OPN5: variants seen among roughly 807,000 people sequenced by gnomAD.
The protein encoded by OPN5 is opsin-5.
A neutral mutation model predicts 41.7 loss-of-function variants in OPN5; 18 were observed. The ratio of observed to expected loss-of-function variants is 0.43; its 90% CI spans 0.30 to 0.64. OPN5 has a LOEUF of 0.64. OPN5 is among the 30% of genes least tolerant of loss of function. OPN5 has a pLI of 0.13. For synonymous variants in OPN5, 178 were observed against 164.3 expected, an observed-to-expected ratio of 1.08 and a Z score of -0.64; for missense variants, 318 against 434.5, an observed-to-expected ratio of 0.73 and a Z score of 2.38.
At chr6:47,819,353 A>ATATATATATATAT (rs1491208722) in intron 6 of OPN5, among the ~76,000 whole-genome samples, 2 of 84,864 alleles carry the variant, frequency 2.4e-5, no homozygotes, top group Non-Finnish European at 4.9e-5. Flanking sequence ...ATATATATAT[A>ATATATATATATAT]AAAAATATAT....
intron 4 of OPN5, among the ~76,000 whole-genome samples, chr6:47,802,265 T>G (rs1773806042): frequency 6.6e-6 from 1 of 152,176 alleles, no homozygotes; most frequent in Non-Finnish European, 1.5e-5. Context: ...CAGGAGTTTC[T>G]GCATCAGAAC....
chr6:47,804,915 C>T (rs184958573), intron 4 of OPN5, among the ~76,000 whole-genome samples: 27 of 152,220 alleles, frequency 1.8e-4, no homozygotes, highest in Admixed American at 1.4e-3. Flanking sequence ...GTAGAAAACA[C>T]GTAAAATGTA....
At chr6:47,806,436 G>C (rs1377372454) in intron 4 of OPN5, among the ~76,000 whole-genome samples, 2 of 152,136 alleles carry the variant, frequency 1.3e-5, no homozygotes, top group South Asian at 2.1e-4. Context: ...AGCATGCTAA[G>C]AGTAGAAATT....
chr6:47,794,477 T>G (rs1172777414), intron 3 of OPN5, among the ~76,000 whole-genome samples: 5 of 152,232 alleles, frequency 3.3e-5, no homozygotes, highest in Admixed American at 2.0e-4. Flanking sequence ...ACAGCTTTTC[T>G]TAGATGACTG....
chr6:47,826,075 C>G (rs1395388588), downstream of OPN5: 1 of 151,948 alleles, frequency 6.6e-6, no homozygotes, highest in Non-Finnish European at 1.5e-5. Context: ...TGTTTAATAT[C>G]TTTTAAAAAA....
intron 2 of OPN5, among the ~76,000 whole-genome samples, chr6:47,788,824 T>C (rs1229157630): frequency 7.4e-6 from 1 of 134,460 alleles, no homozygotes; most frequent in Non-Finnish European, 1.6e-5. Flanking sequence ...GCGGTGGTGG[T>C]GTTAAAAATA....
chr6:47,791,864 G>A (rs941881001), exon 3 of OPN5: 3 of 1,613,816 alleles, frequency 1.9e-6, no homozygotes, highest in Non-Finnish European at 1.7e-6. Context: ...TGGCTGGATC[G>A]GCTGCCGCTG....
exon 7 of OPN5, chr6:47,824,136 A>G: frequency 8.7e-6 from 6 of 686,446 alleles, no homozygotes; most frequent in Non-Finnish European, 1.6e-5. Flanking sequence ...CACAAGGAAT[A>G]TCAAAACAAT....
At chr6:47,811,594 A>C in intron 5 of OPN5, 80 bp from the exon 6 acceptor site, 1 of 783,572 alleles carries the variant, frequency 1.3e-6, no homozygotes, top group Non-Finnish European at 2.2e-6. Flanking sequence ...TGACATATAC[A>C]TATGTATGTA....
chr6:47,824,091 C>A lies in OPN5; in HGVS notation c.*100C>A, dbSNP rs543115868. The A allele has an allele frequency of 1.1e-3, 974 of 877,094 alleles. 2 individuals are homozygous for A. The highest frequency in any genetic ancestry group is 5.8e-3 in the Middle Eastern group (27 of 4,636). The allele number at this position is 877,094 out of a possible 1,614,324, so 54.3% of individuals were successfully genotyped here. On this transcript the variant is annotated 3_prime_UTR_variant, in exon 7 of 7. Transcript: ENST00000371211. ...AAATGTTATTTTTCTGACTTCTCGC[C>A]TCCACTCCACTTACCCTGTCAGGAA...
intron 4 of OPN5, among the ~76,000 whole-genome samples, chr6:47,803,451 T>C (rs1209178607): frequency 5.9e-5 from 9 of 152,202 alleles, no homozygotes; most frequent in Non-Finnish European, 1.3e-4. Flanking sequence ...CTCCTGTCAA[T>C]TGTGCTGTCT....
chr6:47,816,389 C>G (rs1224427334), intron 6 of OPN5, among the ~76,000 whole-genome samples: 2 of 152,052 alleles, frequency 1.3e-5, no homozygotes, highest in African/African-American at 2.4e-5. Flanking sequence ...GTCTCTGTTC[C>G]CCTGATGAGG....
At chr6:47,784,116 G>A (rs1291415360) in intron 1 of OPN5, among the ~76,000 whole-genome samples, 1 of 152,132 alleles carries the variant, frequency 6.6e-6, no homozygotes, top group Non-Finnish European at 1.5e-5. Context: ...TCCCTGGACA[G>A]GGGGAGCTTC....
intron 6 of OPN5, among the ~76,000 whole-genome samples, chr6:47,819,234 G>A (rs1292688869): frequency 6.7e-6 from 1 of 150,126 alleles, no homozygotes; most frequent in African/African-American, 2.4e-5. Context: ...ACAAGAATAT[G>A]TGGCTGTTGA....
Position 47,819,336 on chromosome 6 carries a change from A to AATATATATATATATATAT in OPN5, c.1057-4630_1057-4629insTATATATATATATATATA, listed in dbSNP as rs1363402346. Among the ~76,000 whole-genome samples, 54 of 24,316 alleles carry AATATATATATATATATAT rather than the reference A, an allele frequency of 2.2e-3. 3 individuals are homozygous for AATATATATATATATATAT. The highest frequency in any genetic ancestry group is 7.3e-3 in the African/African-American group (52 of 7,148). The allele number at this position is 24,316 out of a possible 152,430, so 16.0% of individuals were successfully genotyped here. On this transcript the variant is annotated intron_variant, in intron 6 of 6. Transcript: ENST00000371211. ...TCTCTAAGTAATTCTGAAAATTAGGAATATATATATATATATAAAAAATAT... is the reference window on the plus strand; with the variant it reads ...TCTCTAAGTAATTCTGAAAATTAGGAATATATATATATATATATATATATATATATATATAAAAAATAT...
intron 2 of OPN5, among the ~76,000 whole-genome samples, chr6:47,790,219 A>T (rs1463398411): frequency 6.6e-6 from 1 of 152,190 alleles, no homozygotes; most frequent in Non-Finnish European, 1.5e-5. Context: ...TTCCTAAACA[A>T]TTTTTTTAAA....
intron 4 of OPN5, among the ~76,000 whole-genome samples, chr6:47,798,655 TTTCTAATTATTAATATTTG>T (rs1458267011): frequency 1.3e-5 from 2 of 151,646 alleles, no homozygotes; most frequent in Admixed American, 1.3e-4. Flanking sequence ...AACACAAGTG[TTTCTAATTATTAATATTTG>T]TGCAGAAAAT....
intron 4 of OPN5, among the ~76,000 whole-genome samples, chr6:47,807,273 T>A (rs962043763): frequency 6.6e-6 from 1 of 152,212 alleles, no homozygotes; most frequent in Non-Finnish European, 1.5e-5. Context: ...GGGATACAAC[T>A]CAGGCTCTAG....
chr6:47,825,895 A>G (rs1762777568), downstream of OPN5: 1 of 152,100 alleles, frequency 6.6e-6, no homozygotes, highest in African/African-American at 2.4e-5. Flanking sequence ...GAAGAGCTTC[A>G]TTGCCAAGTT....
Sources: gnomAD v4.1 joint callset for allele counts (sites outside exome capture counted in the v4.1 genomes callset) on GRCh38, gnomAD v4.1.1 for gene constraint, MANE v1.5 for transcripts, NCBI Gene and HGNC (gene_info 2026-07-23, HGNC 2026-07-21) for gene names.